Variants in GRIK2 observed in about 807,000 individuals in gnomAD.
GRIK2 encodes glutamate receptor ionotropic, kainate 2.
Under a neutral mutation model 100.3 loss-of-function variants are expected in GRIK2, and 32 were observed. The ratio of observed to expected loss-of-function variants is 0.32; its 90% confidence interval spans 0.24 to 0.43. The LOEUF is 0.43. Among genes scored for constraint, GRIK2 ranks in the 20% least tolerant of loss-of-function variants. The pLI is 1.00. For missense variants in GRIK2, 843 were observed against 1,114.9 expected, an observed-to-expected ratio of 0.76 and a Z score of 3.47; for synonymous variants, 417 against 389.4, an observed-to-expected ratio of 1.07 and a Z score of -0.83.
chr6:101,598,336 C>T (rs1279910555), intron 2 of GRIK2, among the ~76,000 whole-genome samples: 7 of 151,508 alleles, frequency 4.6e-5, no homozygotes, highest in Non-Finnish European at 7.4e-5. Context: ...ACTCATCCTG[C>T]GGGCAACACC....
At chr6:101,603,668 A>C (rs567600757) in intron 2 of GRIK2, among the ~76,000 whole-genome samples, 1 of 151,904 alleles carries the variant, frequency 6.6e-6, no homozygotes, top group Admixed American at 6.6e-5. Context: ...TTCATGTTTT[A>C]GGAGCTCCAT....
chr6:101,955,573 G>A (rs1453943123), intron 14 of GRIK2, among the ~76,000 whole-genome samples: 2 of 103,268 alleles, frequency 1.9e-5, no homozygotes, highest in Non-Finnish European at 3.9e-5. Context: ...ACAGAGCAAG[G>A]CCTTCTCTCT....
In GRIK2 at chr6:101,675,306, C is replaced by CCACACACACA. The variant is rs3056135; in HGVS notation, c.542-1305_542-1296dup. Among the ~76,000 whole-genome samples the CCACACACACA allele has an allele frequency of 7.4e-4, 110 of 149,318 alleles. 1 individual carries two copies. In the South Asian group the frequency reaches 0.018, roughly 24 times the overall value. On this transcript the variant is annotated intron_variant, in intron 4 of 16. Coordinates refer to ENST00000369134, the MANE Select transcript of GRIK2 (RefSeq NM_021956.5). ...GCACGCACACGCAGACACACACACA[C>CCACACACACA]CACACACACACACACACACACTCGA...
chr6:101,696,692 A>T (rs1314005806), intron 7 of GRIK2, among the ~76,000 whole-genome samples: 1 of 151,956 alleles, frequency 6.6e-6, no homozygotes, highest in Non-Finnish European at 1.5e-5. Context: ...TTAACTCAAG[A>T]CATCATGGGG....
chr6:101,665,173 C>T (rs527954410), intron 4 of GRIK2, among the ~76,000 whole-genome samples: 6 of 152,286 alleles, frequency 3.9e-5, no homozygotes, highest in Non-Finnish European at 7.3e-5. Context: ...TAGGGCTAGT[C>T]TTGCATATTG....
intron 14 of GRIK2, among the ~76,000 whole-genome samples, chr6:101,961,102 G>A (rs1283892853): frequency 6.6e-6 from 1 of 152,116 alleles, no homozygotes; most frequent in East Asian, 1.9e-4. Flanking sequence ...TCATGGGCAG[G>A]CAGGAAAGTG....
intron 7 of GRIK2, among the ~76,000 whole-genome samples, chr6:101,795,006 C>T (rs574868661): frequency 6.6e-6 from 1 of 151,920 alleles, no homozygotes; most frequent in Non-Finnish European, 1.5e-5. Context: ...GCTGGAATTA[C>T]AGGCCCACAG....
chr6:101,944,584 A>C (rs1791156192), intron 14 of GRIK2, among the ~76,000 whole-genome samples: 1 of 152,190 alleles, frequency 6.6e-6, no homozygotes. Context: ...AAATTAAATT[A>C]TTTCTAGATA....
chr6:102,052,478 G>A (rs1347948036), intron 15 of GRIK2, among the ~76,000 whole-genome samples: 4 of 152,152 alleles, frequency 2.6e-5, no homozygotes, highest in African/African-American at 7.2e-5. Context: ...CTGGAAATAG[G>A]AAGTTCAGCT....
intron 2 of GRIK2, among the ~76,000 whole-genome samples, chr6:101,420,382 CAT>C (rs1218780278): frequency 3.3e-5 from 5 of 152,140 alleles, no homozygotes; most frequent in African/African-American, 1.2e-4. Flanking sequence ...AATATTAACT[CAT>C]AAACATATGA....
chr6:101,805,712 G>C (rs1780961268), intron 9 of GRIK2, among the ~76,000 whole-genome samples: 1 of 151,984 alleles, frequency 6.6e-6, no homozygotes, highest in South Asian at 2.1e-4. Flanking sequence ...AAAATTATAA[G>C]ATTGGGCAGT....
intron 4 of GRIK2, among the ~76,000 whole-genome samples, chr6:101,630,141 G>C (rs980054612): frequency 2.0e-5 from 3 of 152,068 alleles, no homozygotes; most frequent in African/African-American, 7.2e-5. Flanking sequence ...TTGATTCCAT[G>C]TCTTTGCTGT....
intron 13 of GRIK2, among the ~76,000 whole-genome samples, chr6:101,927,563 A>G (rs1789983224): frequency 6.6e-6 from 1 of 152,150 alleles, no homozygotes; most frequent in Admixed American, 6.6e-5. Flanking sequence ...AAATTTAAAT[A>G]ACAGACCAAA....
intron 7 of GRIK2, among the ~76,000 whole-genome samples, chr6:101,706,679 C>A (rs1201809766): frequency 6.6e-6 from 1 of 151,850 alleles, no homozygotes; most frequent in African/African-American, 2.4e-5. Context: ...TAGAAAAAGT[C>A]TCAGACAACT....
intron 2 of GRIK2, among the ~76,000 whole-genome samples, chr6:101,439,347 A>G (rs1378136052): frequency 6.6e-6 from 1 of 152,172 alleles, no homozygotes; most frequent in African/African-American, 2.4e-5. Context: ...CTTTACCCTC[A>G]GAAAGCAGGC....
intron 5 of GRIK2, among the ~76,000 whole-genome samples, chr6:101,677,063 A>T (rs148641642): frequency 3.3e-5 from 5 of 152,268 alleles, no homozygotes; most frequent in African/African-American, 9.6e-5. Context: ...TTAATGAGAT[A>T]GTTGATTAAT....
intron 4 of GRIK2, among the ~76,000 whole-genome samples, chr6:101,653,527 G>A (rs1781917022): frequency 6.6e-6 from 1 of 152,060 alleles, no homozygotes; most frequent in Non-Finnish European, 1.5e-5. Context: ...TGTGCATTAA[G>A]TTCCCTCTGC....
At chr6:102,042,574 A>AAGAT (rs541108660) in intron 15 of GRIK2, among the ~76,000 whole-genome samples, 68 of 151,758 alleles carry the variant, frequency 4.5e-4, no homozygotes, top group Middle Eastern at 3.4e-3. Flanking sequence ...TGTCTTGAAA[A>AAGAT]AGATATATTT....
chr6:101,665,752 G>A (rs1457061408), intron 4 of GRIK2, among the ~76,000 whole-genome samples: 1 of 152,136 alleles, frequency 6.6e-6, no homozygotes, highest in Non-Finnish European at 1.5e-5. Context: ...CATTTTCTAG[G>A]TATTTTTGAA....
Sources: gnomAD v4.1 joint callset for allele counts (sites outside exome capture counted in the v4.1 genomes callset) on GRCh38, gnomAD v4.1.1 for gene constraint, MANE v1.5 for transcripts, NCBI Gene and HGNC (gene_info 2026-07-23, HGNC 2026-07-21) for gene names.